Variants in TSTD2 observed in about 807,000 individuals in gnomAD.
The protein encoded by TSTD2 is thiosulfate sulfurtransferase like domain containing 2.
In TSTD2, 37 loss-of-function variants were observed where a neutral mutation model predicts 47.9. The ratio of observed to expected loss-of-function variants is 0.77; its 90% confidence interval spans 0.59 to 1.02. The LOEUF (loss-of-function observed/expected upper bound fraction) is 1.02. Among genes scored for constraint, TSTD2 ranks in the 50% least tolerant of loss-of-function variants. TSTD2 has a pLI of 0.00. For synonymous variants in TSTD2, 201 were observed against 215.9 expected (o/e 0.93, Z 0.61); for missense variants, 586 against 616.0 (o/e 0.95, Z 0.52).
At chr9:97,622,578 G>A (rs1342450921) in intron 3 of TSTD2, among the ~76,000 whole-genome samples, 1 of 152,232 alleles carries the variant, frequency 6.6e-6, no homozygotes, top group Non-Finnish European at 1.5e-5. Flanking sequence ...TCCACTGAGA[G>A]CTTGCACCGT....
intron 3 of TSTD2, among the ~76,000 whole-genome samples, chr9:97,623,645 G>A (rs1001493976): frequency 1.3e-5 from 2 of 152,186 alleles, no homozygotes; most frequent in Non-Finnish European, 2.9e-5. Flanking sequence ...GATCACCTGA[G>A]GTCAGGAGCT....
At chr9:97,625,414 G>A (rs891061473) in intron 3 of TSTD2, among the ~76,000 whole-genome samples, 2 of 152,262 alleles carry the variant, frequency 1.3e-5, no homozygotes, top group Admixed American at 6.5e-5. Context: ...CTGTGGATAT[G>A]TTTTTATTGC....
chr9:97,621,156 T>C (rs1826628084), intron 3 of TSTD2, among the ~76,000 whole-genome samples: 1 of 152,206 alleles, frequency 6.6e-6, no homozygotes, highest in Non-Finnish European at 1.5e-5. Flanking sequence ...AAATTAATAC[T>C]TTTATAATTT....
intron 4 of TSTD2, among the ~76,000 whole-genome samples, chr9:97,612,468 G>A (rs1333375606): frequency 1.3e-5 from 2 of 152,222 alleles, no homozygotes; most frequent in East Asian, 1.9e-4. Context: ...CACCTATAGT[G>A]TATAAGTATT....
At chr9:97,627,233 C>T (rs1826736926) in intron 2 of TSTD2, 165 bp downstream of exon 2, 1 of 1,312,152 alleles carries the variant, frequency 7.6e-7, no homozygotes, top group Non-Finnish European at 9.8e-7. Context: ...TCCAGGACCA[C>T]ACCTTGCCTA....
chr9:97,605,342 T>C, intron 8 of TSTD2, 141 bp downstream of exon 8: 1 of 959,690 alleles, frequency 1.0e-6, no homozygotes, highest in South Asian at 1.7e-5. Context: ...AACTCCATGC[T>C]GGAGCCATAC....
chr9:97,603,133 T>C (rs1826298115), intron 9 of TSTD2: 1 of 201,054 alleles, frequency 5.0e-6, no homozygotes, highest in South Asian at 1.2e-4. Context: ...TCCTCTTTGA[T>C]TGTTCCCTTT....
At chr9:97,631,432 T>G (rs1826808708) in intron 1 of TSTD2, among the ~76,000 whole-genome samples, 1 of 152,156 alleles carries the variant, frequency 6.6e-6, no homozygotes, top group South Asian at 2.1e-4. Context: ...GCTTTGCTTT[T>G]GAAGTACAAT....
At chr9:97,612,783 T>A (rs899162420) in intron 4 of TSTD2, among the ~76,000 whole-genome samples, 2 of 152,370 alleles carry the variant, frequency 1.3e-5, no homozygotes, top group Admixed American at 6.5e-5. Context: ...CTCCAACTCC[T>A]GGCCTCAAGT....
rs1488583503 is a variant in TSTD2, at chr9:97,605,507, C to A, written c.1089G>T (p.Arg363=). The A allele has an allele frequency of 6.2e-7, 1 of 1,613,886 alleles. No individual in the cohort carries two copies. Among genetic ancestry groups the A allele is most frequent in the Admixed American group, 1.7e-5 (1 of 60,016 alleles). The change falls in exon 8 of 10, where the codon CGG becomes CGT. Residue 363 remains arginine (R), a synonymous_variant. Transcript: ENST00000341170. ...MYCTGGIRCE[R]GSAYLKAKGV... Reference sequence around the variant, plus strand: ...CCTTGGCTTTGAGGTAGGCTGAACCCCGCTCACAGCGGATGCCCCCGGTAC... The same window carrying A: ...CCTTGGCTTTGAGGTAGGCTGAACCACGCTCACAGCGGATGCCCCCGGTAC...
intron 3 of TSTD2, among the ~76,000 whole-genome samples, chr9:97,620,176 C>T (rs905139359): frequency 6.6e-6 from 1 of 152,006 alleles, no homozygotes; most frequent in Non-Finnish European, 1.5e-5. Context: ...TAGGTCTTTC[C>T]CATGCTGTTC....
Position 97,617,745 on chromosome 9 carries a change from A to G in TSTD2, c.603+12T>C. The G allele has an allele frequency of 6.2e-7, 1 of 1,610,688 alleles. No homozygotes were observed. Among genetic ancestry groups the G allele is most frequent in the Non-Finnish European group, 8.5e-7 (1 of 1,178,890 alleles). ...GACCCAGTGAAGGAAGGAATATAGG[A>G]GAAGGTGTTACCTTGCCTGTGAGGT... On this transcript the variant is annotated intron_variant, in intron 4 of 9. Coordinates refer to ENST00000341170, the MANE Select transcript of TSTD2 (RefSeq NM_139246.5).
intron 1 of TSTD2, among the ~76,000 whole-genome samples, chr9:97,629,336 G>A (rs1283163590): frequency 1.3e-5 from 2 of 152,130 alleles, no homozygotes; most frequent in Non-Finnish European, 2.9e-5. Context: ...GACACACACA[G>A]GCAATACCAA....
intron 3 of TSTD2, 33 bp from the exon 4 acceptor site, chr9:97,617,910 T>A: frequency 6.3e-7 from 1 of 1,598,132 alleles, no homozygotes; most frequent in Non-Finnish European, 8.5e-7. Flanking sequence ...AAAGAGCATT[T>A]GAGTCGCTGG....
intron 2 of TSTD2, among the ~76,000 whole-genome samples, chr9:97,627,138 G>T (rs1194639243): frequency 6.6e-6 from 1 of 151,840 alleles, no homozygotes; most frequent in Non-Finnish European, 1.5e-5. Context: ...CTTTGTTTAT[G>T]GTCTTTTTTG....
Position 97,605,488 on chromosome 9 carries a change from C to T in TSTD2, c.1108G>A (p.Ala370Thr), listed in dbSNP as rs1171603066. Residue 370 changes from alanine to threonine, a missense_variant, in exon 8 of 10, where the codon GCC becomes ACC. Coordinates refer to ENST00000341170, the MANE Select transcript of TSTD2 (RefSeq NM_139246.5). ...RCERGSAYLK[A>T]KGVCKEVFQL... ...GCCCCGGGGTGGTGGCTCACCTTGG[C>T]TTTGAGGTAGGCTGAACCCCGCTCA... is the stretch of plus-strand genomic sequence containing the variant. The T allele has an allele frequency of 6.2e-7, 1 of 1,613,482 alleles. No homozygotes were observed. The highest frequency in any genetic ancestry group is 1.3e-5 in the African/African-American group (1 of 74,902).
At position 97,624,588 on chromosome 9, in the gene TSTD2, C is replaced by T. The variant is rs1323755201; in HGVS notation, c.482+1093G>A. Among the ~76,000 whole-genome samples the T allele has an allele frequency of 2.6e-5, 4 of 152,176 alleles. No homozygotes were observed. In the South Asian group the frequency reaches 6.2e-4, roughly 24 times the overall value. On this transcript the variant is annotated intron_variant, in intron 3 of 9. Coordinates refer to ENST00000341170, the MANE Select transcript of TSTD2 (RefSeq NM_139246.5). ...AGGTAACAGAAGAGTAAGTCTGAGC[C>T]GTCTTAGTAAAAAGACAAACTTTTA...
intron 3 of TSTD2, among the ~76,000 whole-genome samples, chr9:97,619,182 C>T (rs117107069): frequency 0.014 from 2,135 of 152,272 alleles, 103 homozygotes; most frequent in East Asian, 0.13. Context: ...AATGAAGGTA[C>T]AGAAAATTTT....
chr9:97,606,340 T>TA (rs1284085926), intron 6 of TSTD2, 79 bp from the exon 7 acceptor site: 7 of 777,270 alleles, frequency 9.0e-6, no homozygotes, highest in African/African-American at 8.7e-5. Flanking sequence ...CAGCCTGACT[T>TA]ACGTGTTGCT....
Sources: allele counts gnomAD v4.1 joint callset (sites outside exome capture counted in the v4.1 genomes callset), GRCh38; gene constraint gnomAD v4.1.1; transcripts MANE v1.5; gene names NCBI Gene and HGNC (gene_info 2026-07-23, HGNC 2026-07-21).